Variants in NYAP2 observed in about 807,000 individuals in gnomAD.
NYAP2 encodes the protein neuronal tyrosine-phosphorylated phosphoinositide-3-kinase adapter 2.
A neutral mutation model predicts 50.4 loss-of-function variants in NYAP2; 23 were observed. That is an observed-to-expected ratio of 0.46 (90% CI 0.33 to 0.65). The LOEUF is 0.65. NYAP2 is among the 30% of genes least tolerant of loss of function. NYAP2 has a pLI of 0.02. For synonymous variants in NYAP2, 394 were observed against 365.2 expected (o/e 1.08, Z -0.90); for missense variants, 885 against 861.0 (o/e 1.03, Z -0.35).
chr2:225,689,607 T>C, the NYAP2 span, among the ~76,000 whole-genome samples: 3 of 152,136 alleles, frequency 2.0e-5, no homozygotes, highest in Non-Finnish European at 4.4e-5. Flanking sequence ...AATTTAGACA[T>C]GGGAAATAAA....
chr2:225,569,864 C>T (rs1166806677), intron 4 of NYAP2, among the ~76,000 whole-genome samples: 1 of 152,128 alleles, frequency 6.6e-6, no homozygotes, highest in Non-Finnish European at 1.5e-5. Context: ...TTAGCATAAC[C>T]TCCCACTGAG....
chr2:225,622,819 A>G (rs1347417606), intron 5 of NYAP2, among the ~76,000 whole-genome samples: 1 of 151,962 alleles, frequency 6.6e-6, no homozygotes, highest in Non-Finnish European at 1.5e-5. Flanking sequence ...TTCTGACCTG[A>G]GGTGATCCAC....
At chr2:225,550,686 TAAG>T (rs1691658313) in intron 4 of NYAP2, among the ~76,000 whole-genome samples, 1 of 152,112 alleles carries the variant, frequency 6.6e-6, no homozygotes, top group South Asian at 2.1e-4. Flanking sequence ...AGAATGGTGA[TAAG>T]AAAGATCCAG....
At chr2:225,510,779 TTG>T (rs146231874) in intron 3 of NYAP2, among the ~76,000 whole-genome samples, 4,348 of 148,182 alleles carry the variant, frequency 0.029, 141 homozygotes, top group African/African-American at 0.087. Context: ...GTTAATGTGT[TTG>T]TGTGTGTGTG....
At chr2:225,504,460 T>A (rs1024776898) in intron 3 of NYAP2, among the ~76,000 whole-genome samples, 5 of 152,202 alleles carry the variant, frequency 3.3e-5, no homozygotes, top group Non-Finnish European at 7.4e-5. Flanking sequence ...ATTCAGTCTA[T>A]AGCACCTGTA....
At chr2:225,600,392 T>C (rs1692673126) in intron 5 of NYAP2, among the ~76,000 whole-genome samples, 1 of 152,182 alleles carries the variant, frequency 6.6e-6, no homozygotes, top group Non-Finnish European at 1.5e-5. Context: ...TCTTGTAGCC[T>C]CCAGCTGCAT....
intron 3 of NYAP2, among the ~76,000 whole-genome samples, chr2:225,462,468 A>G (rs539725774): frequency 5.3e-5 from 8 of 152,158 alleles, no homozygotes; most frequent in African/African-American, 1.9e-4. Flanking sequence ...GACCAAATGC[A>G]CCCACCCAGA....
the NYAP2 span, among the ~76,000 whole-genome samples, chr2:225,671,415 GT>G: frequency 6.6e-5 from 10 of 152,122 alleles, no homozygotes; most frequent in Admixed American, 5.9e-4. Flanking sequence ...CTCATCATGT[GT>G]TCAAGTTTTA....
intron 3 of NYAP2, among the ~76,000 whole-genome samples, chr2:225,461,228 A>T (rs1689826473): frequency 6.6e-6 from 1 of 152,164 alleles, no homozygotes; most frequent in Non-Finnish European, 1.5e-5. Context: ...GGCCCAGAAA[A>T]GCCTGTGCCA....
chr2:225,680,925 A>C, the NYAP2 span, among the ~76,000 whole-genome samples: 1 of 152,182 alleles, frequency 6.6e-6, no homozygotes, highest in South Asian at 2.1e-4. Context: ...ATTTCACCCC[A>C]GATCTGGCTA....
rs574990075 is a variant in NYAP2, at chr2:225,594,559, A to T, written c.1618+11524A>T. ...TAAAATAAAATAAAAACATTCAAAT[A>T]GGTCATTTAACATCTTTGTTGGAAA... On this transcript the variant is annotated intron_variant, in intron 5 of 6. Transcript: ENST00000636099. Among the ~76,000 whole-genome samples the T allele has an allele frequency of 4.6e-5, 7 of 152,298 alleles. No individual in the cohort carries two copies. In the South Asian group the frequency reaches 1.5e-3, roughly 32 times the overall value.
intron 4 of NYAP2, among the ~76,000 whole-genome samples, chr2:225,550,937 A>G (rs143455235): frequency 4.6e-5 from 7 of 152,326 alleles, no homozygotes; most frequent in African/African-American, 9.6e-5. Flanking sequence ...CCTGTGTGCA[A>G]TGGAGAGCAG....
intron 5 of NYAP2, among the ~76,000 whole-genome samples, chr2:225,611,890 G>T (rs1268011760): frequency 7.6e-6 from 1 of 132,194 alleles, no homozygotes; most frequent in African/African-American, 3.2e-5. Context: ...ATATATATGT[G>T]TGTGTGTGTA....
the NYAP2 span, among the ~76,000 whole-genome samples, chr2:225,692,653 C>T: frequency 6.6e-6 from 1 of 151,708 alleles, no homozygotes; most frequent in Admixed American, 6.6e-5. Flanking sequence ...AATTTATATA[C>T]TATGTATGTA....
chr2:225,474,651 C>A (rs959358726), intron 3 of NYAP2, among the ~76,000 whole-genome samples: 9 of 152,140 alleles, frequency 5.9e-5, no homozygotes, highest in African/African-American at 2.2e-4. Flanking sequence ...GATTTTTGCA[C>A]ATTGATTTTG....
At chr2:225,628,645 A>G (rs1574718374) in intron 6 of NYAP2, among the ~76,000 whole-genome samples, 1 of 152,086 alleles carries the variant, frequency 6.6e-6, no homozygotes, top group South Asian at 2.1e-4. Flanking sequence ...TTTTATGGGG[A>G]AAAAAGTCAC....
chr2:225,651,362 G>A (rs550432414), intron 6 of NYAP2, 70 bp from the exon 7 acceptor site: 12 of 1,592,488 alleles, frequency 7.5e-6, no homozygotes, highest in Non-Finnish European at 1.0e-5. Flanking sequence ...CAAACAGAAA[G>A]ACTGAAAAGC....
intron 4 of NYAP2, among the ~76,000 whole-genome samples, chr2:225,520,424 T>G (rs1396624041): frequency 5.3e-5 from 8 of 152,200 alleles, no homozygotes; most frequent in South Asian, 2.1e-4. Context: ...TTTAAGTCTT[T>G]AATCCATCTT....
chr2:225,422,171 A>T (rs1031879770), intron 3 of NYAP2, among the ~76,000 whole-genome samples: 6 of 152,222 alleles, frequency 3.9e-5, no homozygotes, highest in African/African-American at 7.2e-5. Flanking sequence ...ACACATTTTC[A>T]AAACATGGTA....
Sources: gnomAD v4.1 joint callset for allele counts (sites outside exome capture counted in the v4.1 genomes callset) on GRCh38, gnomAD v4.1.1 for gene constraint, MANE v1.5 for transcripts, NCBI Gene and HGNC (gene_info 2026-07-23, HGNC 2026-07-21) for gene names.